VWC2L: variants seen among roughly 807,000 people sequenced by gnomAD.
VWC2L encodes the protein von Willebrand factor C domain containing 2 like, also known as von Willebrand factor C domain-containing protein 2-like.
In VWC2L, 10 loss-of-function variants were observed where a neutral mutation model predicts 21.6. The observed-to-expected ratio is 0.46, with a 90% CI of 0.29 to 0.78. The LOEUF (loss-of-function observed/expected upper bound fraction) is 0.78. VWC2L is among the 30% of genes least tolerant of loss of function. The pLI is 0.10. For missense variants in VWC2L, 209 were observed against 277.1 expected (o/e 0.75, Z 1.74); for synonymous variants, 96 against 94.3 (o/e 1.02, Z -0.10).
At chr2:214,554,705 G>A (rs1388577154) in intron 3 of VWC2L, among the ~76,000 whole-genome samples, 1 of 151,970 alleles carries the variant, frequency 6.6e-6, no homozygotes, top group African/African-American at 2.4e-5. Flanking sequence ...ACAAATTCAG[G>A]CAAAAGTGAC....
chr2:214,425,795 G>A (rs1386922104), intron 2 of VWC2L, among the ~76,000 whole-genome samples: 1 of 152,080 alleles, frequency 6.6e-6, no homozygotes, highest in African/African-American at 2.4e-5. Context: ...GACCCTCAAG[G>A]TGCGCCTAGT....
At chr2:214,514,382 T>TATA (rs1214536412) in intron 3 of VWC2L, among the ~76,000 whole-genome samples, 3 of 151,332 alleles carry the variant, frequency 2.0e-5, no homozygotes, top group African/African-American at 7.4e-5. Flanking sequence ...AATATGATAT[T>TATA]ATAATATCAG....
Position 214,468,248 on chromosome 2 carries a change from C to T in VWC2L, c.520+31490C>T, listed in dbSNP as rs150521610. Among the ~76,000 whole-genome samples the T allele has an allele frequency of 7.6e-3, 1,150 of 152,264 alleles. 14 individuals carry two copies. Among genetic ancestry groups the T allele is most frequent in the African/African-American group, 0.025 (1,019 of 41,548 alleles). ...GCCAAGCTGGTCTCGAACTCCTGGC[C>T]TCAAGGGATCTGCCCGCCTTGGCCT... On this transcript the variant is annotated intron_variant, in intron 3 of 3. Coordinates refer to ENST00000312504, the MANE Select transcript of VWC2L (RefSeq NM_001080500.4).
In VWC2L at chr2:214,514,307, G is replaced by C. The variant is rs543131051; in HGVS notation, c.521-61365G>C. 7.9e-5 allele frequency among the ~76,000 whole-genome samples: 12 copies of C among 152,114 alleles called. 1 individual carries two copies. The East Asian group carries it at 2.3e-3, about 29-fold the overall frequency. On this transcript the variant is annotated intron_variant, in intron 3 of 3. Transcript: ENST00000312504. ...TGTCAAGTGTAAAAGAAACAGAAAAGCAGCAATTTCTGATCTTTAGGTAAC... is the reference window on the plus strand; with the variant it reads ...TGTCAAGTGTAAAAGAAACAGAAAACCAGCAATTTCTGATCTTTAGGTAAC...
chr2:214,460,247 T>C (rs190568574), intron 3 of VWC2L, among the ~76,000 whole-genome samples: 1 of 152,312 alleles, frequency 6.6e-6, no homozygotes, highest in African/African-American at 2.4e-5. Flanking sequence ...TGGAAATCTT[T>C]TTGAATTGTG....
At chr2:214,558,359 C>A (rs1335173608) in intron 3 of VWC2L, among the ~76,000 whole-genome samples, 1 of 152,172 alleles carries the variant, frequency 6.6e-6, no homozygotes, top group East Asian at 1.9e-4. Context: ...CTATGCCCAA[C>A]TCAGTCAATT....
intron 3 of VWC2L, among the ~76,000 whole-genome samples, chr2:214,575,290 G>A (rs1690211879): frequency 6.6e-6 from 1 of 152,108 alleles, no homozygotes. Flanking sequence ...ACCATCTGAG[G>A]CCGACCATGT....
intron 3 of VWC2L, among the ~76,000 whole-genome samples, chr2:214,543,022 A>G (rs1352542113): frequency 6.6e-6 from 1 of 152,192 alleles, no homozygotes; most frequent in Non-Finnish European, 1.5e-5. Context: ...AATCCTGCTC[A>G]TAGAATTACT....
rs771208377 is a variant in VWC2L at position 214,436,663 on chromosome 2, G to C, written c.425G>C (p.Ser142Thr). The change falls in exon 3 of 4, where the codon AGC (serine) becomes ACC (threonine). Residue 142 changes from serine to threonine, a missense_variant. Ser to Thr is a moderately conservative substitution (Grantham distance 58). Coordinates refer to ENST00000312504, the MANE Select transcript of VWC2L (RefSeq NM_001080500.4). ...SPCEWCRCEP[S>T]NEVHCVVADC... ...TGTGAATGGTGTCGCTGTGAGCCCAGCAATGAAGTTCACTGTGTTGTAGCA... is the reference window on the plus strand; with the variant it reads ...TGTGAATGGTGTCGCTGTGAGCCCACCAATGAAGTTCACTGTGTTGTAGCA... 1.2e-6 allele frequency: 2 copies of C among 1,613,394 alleles called. No homozygotes were observed. The highest frequency in any genetic ancestry group is 2.2e-5 in the South Asian group (2 of 91,070).
At chr2:214,442,593 G>A (rs2126181100) in intron 3 of VWC2L, among the ~76,000 whole-genome samples, 1 of 152,022 alleles carries the variant, frequency 6.6e-6, no homozygotes, top group Non-Finnish European at 1.5e-5. Context: ...TAGAAGCAGA[G>A]AACTTTGATA....
At chr2:214,550,887 A>G (rs998883156) in intron 3 of VWC2L, among the ~76,000 whole-genome samples, 1 of 152,134 alleles carries the variant, frequency 6.6e-6, no homozygotes, top group African/African-American at 2.4e-5. Flanking sequence ...AGAGGTTAAC[A>G]TTTAAACAAC....
At chr2:214,445,116 T>C (rs1702819385) in intron 3 of VWC2L, among the ~76,000 whole-genome samples, 1 of 151,894 alleles carries the variant, frequency 6.6e-6, no homozygotes, top group African/African-American at 2.4e-5. Flanking sequence ...TAGCATCTAA[T>C]TTAGGAAAGG....
intron 3 of VWC2L, among the ~76,000 whole-genome samples, chr2:214,479,575 C>T (rs528793094): frequency 2.6e-5 from 4 of 152,154 alleles, no homozygotes; most frequent in Non-Finnish European, 5.9e-5. Flanking sequence ...GAGGCTGAGG[C>T]AGGCGGATCA....
At chr2:214,491,296 C>G (rs529623299) in intron 3 of VWC2L, among the ~76,000 whole-genome samples, 49 of 152,158 alleles carry the variant, frequency 3.2e-4, no homozygotes, top group African/African-American at 1.1e-3. Flanking sequence ...GGAGACACAA[C>G]AAGTTGGGAG....
intron 3 of VWC2L, among the ~76,000 whole-genome samples, chr2:214,554,360 C>T (rs1004980052): frequency 6.6e-6 from 1 of 152,048 alleles, no homozygotes; most frequent in African/African-American, 2.4e-5. Context: ...TAGTTCAGGC[C>T]GTGATGAGAA....
intron 2 of VWC2L, among the ~76,000 whole-genome samples, chr2:214,417,323 A>G (rs1405208829): frequency 6.6e-6 from 1 of 151,764 alleles, no homozygotes; most frequent in Non-Finnish European, 1.5e-5. Flanking sequence ...CACAAGAAAG[A>G]CATGATCGAT....
chr2:214,422,932 CA>C (rs1246384672), intron 2 of VWC2L, among the ~76,000 whole-genome samples: 1 of 152,034 alleles, frequency 6.6e-6, no homozygotes, highest in Non-Finnish European at 1.5e-5. Context: ...TAACCATGAA[CA>C]AAACTCAAAT....
rs1342250446 is a variant in VWC2L at position 214,576,729 on chromosome 2, T to A, written c.*909T>A. On this transcript the variant is annotated 3_prime_UTR_variant, in exon 4 of 4. Coordinates refer to ENST00000312504, the MANE Select transcript of VWC2L (RefSeq NM_001080500.4). ...CCAGGGTGAGAAAACCCACTGTGAA[T>A]CCAAATCCTTATGAACATCTCTGGC... 3.9e-5 allele frequency: 6 copies of A among 152,172 alleles called. No individual in the cohort carries two copies. The East Asian group carries it at 1.2e-3, about 29-fold the overall frequency. The allele number at this position is 152,172 out of a possible 1,614,324, so 9.4% of individuals were successfully genotyped here.
At chr2:214,571,506 G>C (rs1347103488) in intron 3 of VWC2L, among the ~76,000 whole-genome samples, 2 of 152,124 alleles carry the variant, frequency 1.3e-5, no homozygotes, top group African/African-American at 4.8e-5. Context: ...CACTAGGCTT[G>C]ATATATAAAG....
Sources: allele counts gnomAD v4.1 joint callset (sites outside exome capture counted in the v4.1 genomes callset), GRCh38; gene constraint gnomAD v4.1.1; transcripts MANE v1.5; gene names NCBI Gene and HGNC (gene_info 2026-07-23, HGNC 2026-07-21).